ZNF420: variants seen among roughly 807,000 people sequenced by gnomAD.
The protein encoded by ZNF420 is ATM and p53-associated KZNF protein.
In ZNF420, 31 loss-of-function variants were observed where a neutral mutation model predicts 44.7. That is an observed-to-expected ratio of 0.69 (90% confidence interval 0.52 to 0.94). ZNF420 has a LOEUF of 0.94. Ranked by LOEUF, ZNF420 falls within the 40% of genes least tolerant of loss-of-function variation. The probability of loss-of-function intolerance (pLI) is 0.00; values close to 1 mark genes in which losing one functional copy is unlikely to be tolerated. For missense variants in ZNF420, 681 were observed against 827.9 expected (o/e 0.82, Z 2.18); for synonymous variants, 245 against 267.4 (o/e 0.92, Z 0.82).
chr19:37,129,937 CAATGAAA>C lies in ZNF420; in HGVS notation c.*885_*891del. On this transcript the variant is annotated 3_prime_UTR_variant, in exon 5 of 5. Transcript: ENST00000337995. ...ATAACTGATATTACAGACTATTTTG[CAATGAAA>C]AATGATGAGAGTTTGTGATACAGAC... is the stretch of plus-strand genomic sequence containing the variant. 1 of 1,372,702 alleles carries C rather than the reference CAATGAAA, an allele frequency of 7.3e-7. No homozygotes were observed. The highest frequency in any genetic ancestry group is 9.5e-7 in the Non-Finnish European group (1 of 1,050,482). The allele number at this position is 1,372,702 out of a possible 1,614,324, so 85.0% of individuals were successfully genotyped here. A position where few individuals can be genotyped will look rare whatever the true frequency, so the allele number is the denominator to read the frequency against.
rs541772842 is a variant in ZNF420, at chr19:37,029,197, G to A, written c.-125+21115G>A. Among the ~76,000 whole-genome samples the A allele has an allele frequency of 1.8e-4, 28 of 152,244 alleles. No homozygotes were observed. The South Asian group carries it at 2.3e-3, about 12-fold the overall frequency. On this transcript the variant is annotated intron_variant, in intron 1 of 4. Coordinates refer to the ZNF420 transcript ENST00000587029. The stretch of plus-strand genomic sequence containing the variant: ...AAAATATTTTGCTCATTAGCCATAT[G>A]GACACATATGGTAAACTACAGCCAG...
At chr19:37,015,606 CAG>C (rs1463567450) in intron 1 of ZNF420, among the ~76,000 whole-genome samples, 3 of 152,272 alleles carry the variant, frequency 2.0e-5, no homozygotes, top group East Asian at 1.9e-4. Flanking sequence ...TAAGGTGAGA[CAG>C]GGGTGAGGAT....
In ZNF420 at chr19:37,128,917, A is replaced by G. The variant is rs766813561; in HGVS notation, c.1926A>G (p.Pro642=). 103 of 1,613,778 alleles carry G rather than the reference A, an allele frequency of 6.4e-5. No homozygotes were observed. The highest frequency in any genetic ancestry group is 8.1e-5 in the Non-Finnish European group (95 of 1,179,920). The change falls in exon 5 of 5, where the codon CCA becomes CCG. Residue 642 remains proline, a synonymous_variant. Coordinates refer to ENST00000337995, the MANE Select transcript of ZNF420 (RefSeq NM_144689.5). ...AGAGAATTCATACTGGTGAGAAACC[A>G]TATCAATGTAAGGAATGTGGGAAGG... ...RHQRIHTGEK[P]YQCKECGKAF... is the part of the protein sequence containing the mutation.
At chr19:37,015,784 A>C (rs984422989) in intron 1 of ZNF420, among the ~76,000 whole-genome samples, 9 of 152,140 alleles carry the variant, frequency 5.9e-5, no homozygotes, top group Admixed American at 2.0e-4. Flanking sequence ...TGTGAGGAGA[A>C]TATTTGGACT....
intron 1 of ZNF420, among the ~76,000 whole-genome samples, chr19:37,020,430 C>T (rs1405120070): frequency 6.6e-6 from 1 of 152,092 alleles, no homozygotes; most frequent in Non-Finnish European, 1.5e-5. Flanking sequence ...TCCAAACTTG[C>T]AATAAGCTCT....
chr19:37,030,076 C>T (rs2146395664), intron 1 of ZNF420, among the ~76,000 whole-genome samples: 1 of 152,310 alleles, frequency 6.6e-6, no homozygotes, highest in East Asian at 1.9e-4. Context: ...TACGTATCTG[C>T]TACTTTGTAT....
chr19:37,048,237 A>G (rs1224069306), intron 1 of ZNF420, among the ~76,000 whole-genome samples: 1 of 152,176 alleles, frequency 6.6e-6, no homozygotes, highest in African/African-American at 2.4e-5. Context: ...ATATAATTTT[A>G]TTTCATTTTC....
intron 2 of ZNF420, among the ~76,000 whole-genome samples, chr19:37,086,956 C>T (rs1003842930): frequency 6.6e-6 from 1 of 152,038 alleles, no homozygotes; most frequent in African/African-American, 2.4e-5. Context: ...AGTTTAAGCT[C>T]TGCCATAGAT....
At chr19:37,120,425 C>T (rs566203318) in intron 4 of ZNF420, among the ~76,000 whole-genome samples, 6 of 151,774 alleles carry the variant, frequency 4.0e-5, no homozygotes, top group Admixed American at 1.3e-4. Context: ...ATTCAACAAC[C>T]CTTCATGCTA....
rs569136636 is a variant in ZNF420, at chr19:37,105,854, A to C, written c.136+14733A>C. Among the ~76,000 whole-genome samples the C allele has an allele frequency of 3.9e-5, 6 of 152,302 alleles. No individual in the cohort carries two copies. The East Asian group carries it at 1.2e-3, about 29-fold the overall frequency. On this transcript the variant is annotated intron_variant, in intron 4 of 4. Transcript: ENST00000337995. ...GTTTGTCTGTTATTGGTGTATAAGA[A>C]TGCTTGTGATTTTTGCACATTGATT...
intron 1 of ZNF420, among the ~76,000 whole-genome samples, chr19:37,013,464 G>T (rs2074587176): frequency 6.6e-6 from 1 of 152,158 alleles, no homozygotes; most frequent in Non-Finnish European, 1.5e-5. Context: ...CTCTCAACGT[G>T]GTTGACATGA....
intron 4 of ZNF420, among the ~76,000 whole-genome samples, chr19:37,096,357 A>G (rs575252794): frequency 2.8e-4 from 43 of 152,172 alleles, no homozygotes; most frequent in Admixed American, 1.6e-3. Flanking sequence ...TCTTGTATCC[A>G]TGGGGACTCT....
chr19:37,126,317 T>C (rs542641286), intron 4 of ZNF420, among the ~76,000 whole-genome samples: 1 of 152,258 alleles, frequency 6.6e-6, no homozygotes, highest in Non-Finnish European at 1.5e-5. Context: ...TGGAATAGGC[T>C]CTGGCTAGCT....
At position 37,036,997 on chromosome 19, in the gene ZNF420, G is replaced by A. The variant is rs1164446584; in HGVS notation, c.-125+28915G>A. The stretch of plus-strand genomic sequence containing the variant: ...GAAGGAGAGCCAATCCTCAGCCCCA[G>A]GCCAAACTTTTCCCTTTCATCGTAG... On this transcript the variant is annotated intron_variant, in intron 1 of 4. Coordinates refer to the ZNF420 transcript ENST00000587029. Among the ~76,000 whole-genome samples, 63 of 152,200 alleles carry A rather than the reference G, an allele frequency of 4.1e-4. 1 individual carries two copies. Among genetic ancestry groups the A allele is most frequent in the Non-Finnish European group, 2.2e-4 (15 of 68,042 alleles).
intron 2 of ZNF420, among the ~76,000 whole-genome samples, chr19:37,082,991 G>A (rs901736202): frequency 6.6e-6 from 1 of 152,058 alleles, no homozygotes; most frequent in Non-Finnish European, 1.5e-5. Context: ...CTCTATAGTA[G>A]CTGGGGCTAC....
chr19:37,032,507 G>GGA (rs754054285), intron 1 of ZNF420, among the ~76,000 whole-genome samples: 2 of 124,136 alleles, frequency 1.6e-5, no homozygotes, highest in African/African-American at 3.0e-5. Context: ...CGGTCTTTAA[G>GGA]AAAAAAAAAA....
chr19:37,106,160 A>G (rs888382918), intron 4 of ZNF420, among the ~76,000 whole-genome samples: 6 of 152,256 alleles, frequency 3.9e-5, no homozygotes, highest in East Asian at 3.9e-4. Flanking sequence ...GTTTGTCATA[A>G]ATAGCTCTTA....
chr19:37,035,698 C>T (rs1338197399), intron 1 of ZNF420, among the ~76,000 whole-genome samples: 8 of 152,150 alleles, frequency 5.3e-5, no homozygotes, highest in Non-Finnish European at 1.2e-4. Context: ...GTGCATCCTT[C>T]ATCTACAAAA....
At chr19:37,041,869 A>C (rs1277367387) in intron 1 of ZNF420, among the ~76,000 whole-genome samples, 4 of 152,236 alleles carry the variant, frequency 2.6e-5, no homozygotes, top group Non-Finnish European at 4.4e-5. Context: ...ATGAAGGTAT[A>C]ATCATGATTA....
Sources: allele counts gnomAD v4.1 joint callset (sites outside exome capture counted in the v4.1 genomes callset), GRCh38; gene constraint gnomAD v4.1.1; transcripts MANE v1.5; gene names NCBI Gene and HGNC (gene_info 2026-07-23, HGNC 2026-07-21).